Variants in XIST observed in about 807,000 individuals in gnomAD.
XIST encodes X inactive specific transcript, also known as X inactive specific transcript (non-protein coding).
chrX:73,830,822 C>G (rs1297024899), intron 4 of XIST, among the ~76,000 whole-genome samples: 3 of 111,711 alleles, frequency 2.7e-5, no homozygotes. Context: ...AAGCCTCTGC[C>G]ACGTGCTATA....
At chrX:73,841,604 A>G (rs1217739609) in exon 1 of XIST, 3 of 558,770 alleles carry the variant, frequency 5.4e-6, no homozygotes, top group South Asian at 4.4e-5. Flanking sequence ...AGTGGCTGGG[A>G]TATTATTCAT....
intron 4 of XIST, among the ~76,000 whole-genome samples, chrX:73,830,288 T>C (rs1922353562): frequency 8.9e-6 from 1 of 112,229 alleles, no homozygotes. Flanking sequence ...TGTTAGTAAC[T>C]CTCTATTTCT....
rs775522931 is a variant in XIST, at chrX:73,844,479, A to C, written n.8245T>G. 14 of 557,499 alleles carry C rather than the reference A, an allele frequency of 2.5e-5. No individual in the cohort carries two copies. In the South Asian group the frequency reaches 2.7e-4, roughly 11 times the overall value. 45.9% of individuals were successfully genotyped at this position (557,499 alleles called of 1,213,427 possible). A position where few individuals can be genotyped will look rare whatever the true frequency, so the allele number is the denominator to read the frequency against. On this transcript the variant is annotated non_coding_transcript_exon_variant, in exon 1 of 6. Transcript: ENST00000429829. The stretch of plus-strand genomic sequence containing the variant: ...CCAGCTATACTGCAAAGGGGGTCTG[A>C]GAGTAGGACTTTATTCAAATAGGAT...
exon 1 of XIST, chrX:73,850,320 T>A: frequency 1.8e-6 from 1 of 542,829 alleles, no homozygotes; most frequent in South Asian, 2.4e-5. Flanking sequence ...CTAAAAACTT[T>A]AAGGAATTTT....
At chrX:73,842,667 T>C (rs376573756) in exon 1 of XIST, 2 of 556,040 alleles carry the variant, frequency 3.6e-6, no homozygotes, top group Non-Finnish European at 6.5e-6. Context: ...GTAGTCAGCA[T>C]ACTCAGAAGC....
At chrX:73,845,188 C>T (rs780059077) in exon 1 of XIST, 7 of 553,069 alleles carry the variant, frequency 1.3e-5, no homozygotes, top group East Asian at 6.5e-5. Flanking sequence ...TCTTATGGAG[C>T]GGGTACTTCC....
At chrX:73,832,914 G>A (rs1014403897) in intron 3 of XIST, among the ~76,000 whole-genome samples, 14 of 111,236 alleles carry the variant, frequency 1.3e-4, no homozygotes, top group African/African-American at 3.9e-4. Context: ...ACTGGGTCCC[G>A]CTCTGCCACC....
At position 73,849,341 on chromosome X, in the gene XIST, G is replaced by A. The variant is rs184787432; in HGVS notation, n.3383C>T. 1.1e-3 allele frequency: 616 copies of A among 557,337 alleles called. 1 individual carries two copies. The highest frequency in any genetic ancestry group is 4.3e-4 in the Non-Finnish European group (132 of 309,187). The allele number at this position is 557,337 out of a possible 1,213,427, so 45.9% of individuals were successfully genotyped here. A position where few individuals can be genotyped will look rare whatever the true frequency, so the allele number is the denominator to read the frequency against. ...GACGGGTTGTCTGCGACCCCCTGCT[G>A]AATGCAAATGGGGTTCAGAGTGCTG... On this transcript the variant is annotated non_coding_transcript_exon_variant, in exon 1 of 6. Coordinates refer to ENST00000429829, the Ensembl canonical transcript of XIST.
chrX:73,847,380 T>G (rs902158772), exon 1 of XIST: 3 of 512,589 alleles, frequency 5.9e-6, no homozygotes, highest in African/African-American at 4.7e-5. Flanking sequence ...GTGAGGGGGA[T>G]GGGATTCCAG....
At chrX:73,838,635 G>C (rs1401846375) in intron 1 of XIST, among the ~76,000 whole-genome samples, 2 of 111,424 alleles carry the variant, frequency 1.8e-5, no homozygotes, top group African/African-American at 6.5e-5. Context: ...TCAAGGAAGA[G>C]CTATCAAGTA....
chrX:73,851,288 T>C (rs1185131617), exon 1 of XIST: 1 of 557,768 alleles, frequency 1.8e-6, no homozygotes, highest in African/African-American at 2.2e-5. Flanking sequence ...GCCTGCCATA[T>C]TGTCCCTGCG....
chrX:73,842,432 C>A (rs1162036067), exon 1 of XIST: 2 of 548,115 alleles, frequency 3.6e-6, no homozygotes, highest in Admixed American at 4.6e-5. Context: ...AGCAGTAACA[C>A]AGGTGGGCAA....
chrX:73,827,432 A>C, exon 6 of XIST: 3 of 547,823 alleles, frequency 5.5e-6, no homozygotes, highest in Non-Finnish European at 9.9e-6. Context: ...GAACAAATAC[A>C]AGCCAACAGA....
At chrX:73,837,072 G>A (rs757908583) in intron 2 of XIST, among the ~76,000 whole-genome samples, 30 of 111,908 alleles carry the variant, frequency 2.7e-4, no homozygotes, top group Admixed American at 2.4e-3. Context: ...TCAATGAGGT[G>A]GAAGGTAATT....
At position 73,844,540 on chromosome X, in the gene XIST, T is replaced by C. The variant is rs745851271; in HGVS notation, n.8184A>G. Reference sequence around the variant, plus strand: ...CAGTTATGCACATAAATTTCCAAGATGCATGGTTGTGGTCACTTACAATTG... The same window carrying C: ...CAGTTATGCACATAAATTTCCAAGACGCATGGTTGTGGTCACTTACAATTG... On this transcript the variant is annotated non_coding_transcript_exon_variant, in exon 1 of 6. Coordinates refer to ENST00000429829, the Ensembl canonical transcript of XIST. 7.2e-6 allele frequency: 4 copies of C among 557,614 alleles called. No individual in the cohort carries two copies. In the East Asian group the frequency reaches 1.3e-4, roughly 18 times the overall value. The allele number at this position is 557,614 out of a possible 1,213,427, so 46.0% of individuals were successfully genotyped here.
chrX:73,844,602 G>A, exon 1 of XIST: 2 of 559,128 alleles, frequency 3.6e-6, no homozygotes, highest in East Asian at 6.5e-5. Context: ...GTCTTATGGA[G>A]TGAGCACTCC....
At chrX:73,846,671 T>C (rs775709884) in exon 1 of XIST, 6 of 558,510 alleles carry the variant, frequency 1.1e-5, no homozygotes, top group Non-Finnish European at 1.6e-5. Flanking sequence ...AAGGGAAAAG[T>C]GGGGATGAGG....
exon 1 of XIST, chrX:73,851,060 AGT>A (rs969343241): frequency 9.0e-6 from 5 of 557,938 alleles, no homozygotes; most frequent in African/African-American, 2.2e-5. Context: ...GTAGCTGGAC[AGT>A]GTGTCATCAG....
At chrX:73,821,820 A>T (rs771317574) in exon 6 of XIST, 1 of 528,320 alleles carries the variant, frequency 1.9e-6, no homozygotes, top group Non-Finnish European at 3.4e-6. Flanking sequence ...CTTAAAACTT[A>T]AGCATGGTAA....
Sources: gnomAD v4.1 joint callset for allele counts (sites outside exome capture counted in the v4.1 genomes callset) on GRCh38, gnomAD v4.1.1 for gene constraint, MANE v1.5 for transcripts, NCBI Gene and HGNC (gene_info 2026-07-23, HGNC 2026-07-21) for gene names.